PLOD3: variants seen among roughly 807,000 people sequenced by gnomAD.
PLOD3 encodes the protein procollagen-lysine,2-oxoglutarate 5-dioxygenase 3.
In PLOD3, 73 loss-of-function variants were observed where a neutral mutation model predicts 96.9. The ratio of observed to expected loss-of-function variants is 0.75; its 90% confidence interval spans 0.62 to 0.92. PLOD3 has a LOEUF of 0.92. Among genes scored for constraint, PLOD3 ranks in the 40% least tolerant of loss-of-function variants. PLOD3 has a pLI of 0.00. For synonymous variants in PLOD3, 454 were observed against 413.7 expected, an observed-to-expected ratio of 1.10 and a Z score of -1.18; for missense variants, 1,004 against 1,004.3, an observed-to-expected ratio of 1.00 and a Z score of 0.00.
intron 5 of PLOD3, 34 bp from the exon 6 acceptor site, chr7:101,215,186 A>G: frequency 7.0e-7 from 1 of 1,423,914 alleles, no homozygotes; most frequent in Non-Finnish European, 9.9e-7. Flanking sequence ...AGTGGTTAAA[A>G]TGGAAGGAGT....
intron 17 of PLOD3, among the ~76,000 whole-genome samples, 184 bp from the exon 18 acceptor site, chr7:101,207,088 G>A (rs1312606224): frequency 1.3e-5 from 2 of 152,066 alleles, no homozygotes; most frequent in Admixed American, 1.3e-4. Flanking sequence ...CAATTCTCAT[G>A]CCTCAGCCTC....
intron 12 of PLOD3, 177 bp from the exon 13 acceptor site, chr7:101,210,850 C>T (rs900201615): frequency 3.1e-6 from 2 of 638,150 alleles, no homozygotes; most frequent in African/African-American, 1.8e-5. Flanking sequence ...GCGGTCAGTT[C>T]CTACCCCAAG....
In PLOD3 at chr7:101,213,533, T is replaced by C. The variant is rs1798222281; in HGVS notation, c.680-329A>G. The C allele has an allele frequency of 1.3e-5, 4 of 318,774 alleles. No individual in the cohort carries two copies. The East Asian group carries it at 3.1e-4, about 24-fold the overall frequency. The allele number at this position is 318,774 out of a possible 1,614,324, so 19.7% of individuals were successfully genotyped here. A position where few individuals can be genotyped will look rare whatever the true frequency, so the allele number is the denominator to read the frequency against. ...TTTTTTTTTTTTTTATTTTTATTTT[T>C]TGAGATGGAGTCTCACTCTGTCACC... On this transcript the variant is annotated intron_variant, in intron 6 of 18. Coordinates refer to ENST00000223127, the MANE Select transcript of PLOD3 (RefSeq NM_001084.5).
intron 15 of PLOD3, among the ~76,000 whole-genome samples, chr7:101,209,550 G>C (rs1474524366): frequency 1.1e-5 from 1 of 93,586 alleles, no homozygotes; most frequent in Non-Finnish European, 2.0e-5. Context: ...ACTAATTTTT[G>C]TGTTTTTTTT....
Position 101,216,169 on chromosome 7 carries a change from A to C in PLOD3, c.496T>G (p.Ser166Ala), listed in dbSNP as rs778605539. The C allele has an allele frequency of 6.2e-7, 1 of 1,613,842 alleles. No individual in the cohort carries two copies. Among genetic ancestry groups the C allele is most frequent in the Non-Finnish European group, 8.5e-7 (1 of 1,179,976 alleles). The change falls in exon 4 of 19, where the codon TCT (serine) becomes GCT (alanine). Residue 166 changes from serine (S) to alanine (A), a missense_variant. This residue lies in a region of PLOD3 where 690 missense variants were observed against 650.2 expected (regional missense o/e 1.06). Coordinates refer to ENST00000223127, the MANE Select transcript of PLOD3 (RefSeq NM_001084.5). Reference sequence around the variant, plus strand: ...TGGGCACTCTGCCACTCACCACCAGAATTGAGGAAGCGCTTCCCCGTGCCC... The same window carrying C: ...TGGGCACTCTGCCACTCACCACCAGCATTGAGGAAGCGCTTCCCCGTGCCC... ...EVGTGKRFLN[S>A]GGFIGFATTI...
rs765121226 is a variant in PLOD3 at position 101,216,325 on chromosome 7, A to C, written c.340T>G (p.Tyr114Asp). ...GGGCTGCCGGCCAGAATCACGTCGTAGCTGGGTGAGGAAGGGGAGGATGGG... is the reference window on the plus strand; with the variant it reads ...GGGCTGCCGGCCAGAATCACGTCGTCGCTGGGTGAGGAAGGGGAGGATGGG... ...EDMIIMFVDS[Y>D]DVILAGSPTE... The change falls in exon 4 of 19, where the codon TAC becomes GAC. Residue 114 changes from tyrosine (Y) to aspartate (D), a missense_variant and splice_region_variant. Transcript: ENST00000223127. The C allele has an allele frequency of 1.2e-5, 19 of 1,613,332 alleles. No individual in the cohort carries two copies. The highest frequency in any genetic ancestry group is 1.6e-5 in the Non-Finnish European group (19 of 1,180,034).
At chr7:101,215,011 T>C (rs1584255400) in intron 6 of PLOD3, 78 bp downstream of exon 6, 1 of 1,105,090 alleles carries the variant, frequency 9.0e-7, no homozygotes, top group Non-Finnish European at 1.4e-6. Flanking sequence ...GCCCAGCTCC[T>C]CCAGAAGCCT....
chr7:101,211,400 T>TA, intron 12 of PLOD3, 191 bp downstream of exon 12: 1 of 606,336 alleles, frequency 1.6e-6, no homozygotes, highest in Non-Finnish European at 2.9e-6. Context: ...AGGCTGATCT[T>TA]AAACTCCCAG....
intron 5 of PLOD3, 29 bp downstream of exon 5, chr7:101,215,879 G>T (rs1324354275): frequency 1.4e-6 from 2 of 1,455,146 alleles, no homozygotes; most frequent in Admixed American, 3.4e-5. Context: ...CAGAGCTGCG[G>T]GATGCGCCCA....
At chr7:101,216,377 C>T (rs1325077482) in intron 3 of PLOD3, 33 bp downstream of exon 3, 1 of 1,613,912 alleles carries the variant, frequency 6.2e-7, no homozygotes, top group Non-Finnish European at 8.5e-7. Flanking sequence ...ACCTCAGCAT[C>T]CTTACCCCGC....
chr7:101,210,406 G>A lies in PLOD3; in HGVS notation c.1539C>T (p.Gly513=), dbSNP rs768117675. The change falls in exon 14 of 19, where the codon GGC becomes GGT. Residue 513 remains glycine (G), a synonymous_variant. Transcript: ENST00000223127. ...FLHLSNQHEF[G]RLLATSRYDT... is the part of the protein sequence containing the mutation. ...CGTATCTGGAAGTGGCCAGGAGCCG[G>A]CCAAATTCATGCTGATTGCTCAGAT... 2 of 1,614,100 alleles carry A rather than the reference G, an allele frequency of 1.2e-6. No homozygotes were observed. The highest frequency in any genetic ancestry group is 8.5e-7 in the Non-Finnish European group (1 of 1,179,988).
At position 101,212,984 on chromosome 7, in the gene PLOD3, G is replaced by C. The variant is rs200748820; in HGVS notation, c.778-41C>G. 112 of 1,486,568 alleles carry C rather than the reference G, an allele frequency of 7.5e-5. No individual in the cohort carries two copies. The East Asian group carries it at 2.5e-3, about 34-fold the overall frequency. 92.1% of individuals were successfully genotyped at this position (1,486,568 alleles called of 1,614,324 possible). ...TGAGGCTGAGTGGCTGAGGCCTCCA[G>C]GGGTGGAGGTGGGGGTCAGGCACCT... is the stretch of plus-strand genomic sequence containing the variant. On this transcript the variant is annotated intron_variant, in intron 7 of 18. Transcript: ENST00000223127.
At chr7:101,215,307 G>C (rs529417131) in intron 5 of PLOD3, among the ~76,000 whole-genome samples, 155 bp from the exon 6 acceptor site, 3 of 152,282 alleles carry the variant, frequency 2.0e-5, no homozygotes, top group South Asian at 2.1e-4. Flanking sequence ...TCTGCCTCCC[G>C]GTTTAATTGA....
At position 101,206,111 on chromosome 7, in the gene PLOD3, T is replaced by C; in HGVS notation, c.*170A>G. The C allele has an allele frequency of 2.6e-6, 2 of 776,200 alleles. No individual in the cohort carries two copies. The highest frequency in any genetic ancestry group is 4.5e-6 in the Non-Finnish European group (2 of 448,624). The allele number at this position is 776,200 out of a possible 1,614,324, so 48.1% of individuals were successfully genotyped here. ...GAGAGAGGCGGGGACTCCGGGAGCT[T>C]CCTGAGAGGGCCGTGTCTTGGGAGC... On this transcript the variant is annotated 3_prime_UTR_variant, in exon 19 of 19. Transcript: ENST00000223127.
Position 101,212,538 on chromosome 7 carries a change from G to C in PLOD3, c.997C>G (p.His333Asp), listed in dbSNP as rs761366791. ...YPPDRVTLFL[H>D]NNEVFHEPHI... ...CAACAGGGGAGTCTCACGTTGTTGT[G>C]CAGGAAAAGGGTGACCCTGTCGGGG... is the stretch of plus-strand genomic sequence containing the variant. Residue 333 changes from histidine (H) to aspartate (D), a missense_variant, in exon 9 of 19, where the codon CAC becomes GAC. His to Asp is a moderately conservative substitution (Grantham distance 81, BLOSUM62 -1). Around this residue, in one of 5 missense-constraint regions of PLOD3, gnomAD observed 690 missense variants for 650.2 expected, o/e 1.06. Transcript: ENST00000223127. 5 of 1,613,832 alleles carry C rather than the reference G, an allele frequency of 3.1e-6. No homozygotes were observed. Among genetic ancestry groups the C allele is most frequent in the Middle Eastern group, 3.3e-4 (2 of 6,058 alleles).
At chr7:101,215,767 T>C in intron 5 of PLOD3, 141 bp downstream of exon 5, 2 of 697,468 alleles carry the variant, frequency 2.9e-6, no homozygotes, top group Non-Finnish European at 5.2e-6. Flanking sequence ...CTCCCAAAAG[T>C]CTTGGATGAC....
chr7:101,216,577 G>A (rs1252440471), intron 2 of PLOD3, 31 bp from the exon 3 acceptor site: 7 of 1,613,620 alleles, frequency 4.3e-6, no homozygotes, highest in Non-Finnish European at 5.9e-6. Flanking sequence ...TGCCAGGCAA[G>A]GGGTGGGGAG....
chr7:101,210,872 C>CT, intron 12 of PLOD3, 199 bp from the exon 13 acceptor site: 1 of 600,516 alleles, frequency 1.7e-6, no homozygotes, highest in Non-Finnish European at 2.9e-6. Context: ...TGTGGCACTT[C>CT]TTTTTTGTTT....
chr7:101,213,181 G>T lies in PLOD3; in HGVS notation c.703C>A (p.Arg235=). Residue 235 remains arginine (R), a synonymous_variant, in exon 7 of 19, where the codon CGG becomes AGG. Coordinates refer to ENST00000223127, the MANE Select transcript of PLOD3 (RefSeq NM_001084.5). ...ALDEVVLKFD[R]NRVRIRNVAY... ...ACGTTCCGGATACGCACACGGTTCC[G>T]ATCAAACTTTAAAACCACTTCATCT... is the stretch of plus-strand genomic sequence containing the variant. 1 of 1,613,242 alleles carries T rather than the reference G, an allele frequency of 6.2e-7. No homozygotes were observed. The highest frequency in any genetic ancestry group is 8.5e-7 in the Non-Finnish European group (1 of 1,179,260).
Sources: gnomAD v4.1 joint callset for allele counts (sites outside exome capture counted in the v4.1 genomes callset) on GRCh38, gnomAD v4.1.1 for gene constraint, gnomAD v4.1.1 regional missense constraint, MANE v1.5 for transcripts, NCBI Gene and HGNC (gene_info 2026-07-23, HGNC 2026-07-21) for gene names.